Variants in ZNF180 observed in about 807,000 individuals in gnomAD.
ZNF180 encodes the protein zinc finger protein 180 (HHZ168).
A neutral mutation model predicts 11.8 loss-of-function variants in ZNF180; 11 were observed. The observed-to-expected ratio is 0.93, with a 90% CI of 0.59 to 1.55. The LOEUF (loss-of-function observed/expected upper bound fraction) is 1.55. Ranked by LOEUF, ZNF180 falls within the 40% of genes most tolerant of loss-of-function variation. ZNF180 has a pLI of 0.00. For missense variants in ZNF180, 773 were observed against 781.7 expected, an observed-to-expected ratio of 0.99 and a Z score of 0.13; for synonymous variants, 287 against 257.7, an observed-to-expected ratio of 1.11 and a Z score of -1.09.
At chr19:44,478,275 GA>G in intron 4 of ZNF180, 129 bp from the exon 5 acceptor site, 1 of 975,922 alleles carries the variant, frequency 1.0e-6, no homozygotes, top group African/African-American at 1.6e-5. Flanking sequence ...AACCTAGGTT[GA>G]AAAAGCAAAA....
chr19:44,500,489 A>G lies in ZNF180; in HGVS notation c.-258T>C, dbSNP rs1488714588. 1.8e-5 allele frequency: 10 copies of G among 548,794 alleles called. No individual in the cohort carries two copies. The highest frequency in any genetic ancestry group is 1.5e-4 in the African/African-American group (8 of 52,676). The allele number at this position is 548,794 out of a possible 1,614,324, so 34.0% of individuals were successfully genotyped here. The stretch of plus-strand genomic sequence containing the variant: ...AAGGGCCGAGCTGCTCGGCGACAGC[A>G]AGCGTCCGCGCGCGGGACAATGGCT... On this transcript the variant is annotated 5_prime_UTR_variant, in exon 1 of 5. Coordinates refer to ENST00000592529, the MANE Select transcript of ZNF180 (RefSeq NM_001278509.3).
intron 3 of ZNF180, 158 bp from the exon 4 acceptor site, chr19:44,479,567 G>T: frequency 1.1e-6 from 1 of 926,646 alleles, no homozygotes; most frequent in Non-Finnish European, 1.6e-6. Flanking sequence ...ATGTACAGGT[G>T]CCTTCTGGGT....
At chr19:44,488,885 TGA>T (rs1274105732) in intron 2 of ZNF180, among the ~76,000 whole-genome samples, 10 of 149,124 alleles carry the variant, frequency 6.7e-5, no homozygotes, top group Non-Finnish European at 1.5e-4. Flanking sequence ...TCGCCCCATC[TGA>T]GAAGTGAGGA....
At position 44,484,391 on chromosome 19, in the gene ZNF180, T is replaced by C; in HGVS notation, c.96A>G (p.Glu32=). ...ATGGGATGGTCAGAGACCCAGTGTCTTCTCCCTCGACTTTGATGATAATCT... is the reference window on the plus strand; with the variant it reads ...ATGGGATGGTCAGAGACCCAGTGTCCTCTCCCTCGACTTTGATGATAATCT... ...PQEIIIKVEG[E]DTGSLTIPSQ... Residue 32 remains glutamate (E), a synonymous_variant, in exon 3 of 5, where the codon GAA becomes GAG. Transcript: ENST00000592529. The C allele has an allele frequency of 1.9e-6, 3 of 1,614,112 alleles. No homozygotes were observed.
rs772881252 is a variant in ZNF180 at position 44,497,367 on chromosome 19, C to T, written c.-33G>A. 1 of 1,595,568 alleles carries T rather than the reference C, an allele frequency of 6.3e-7. No individual in the cohort carries two copies. Among genetic ancestry groups the T allele is most frequent in the South Asian group, 1.1e-5 (1 of 89,010 alleles). Reference sequence around the variant, plus strand: ...TCCAGGCACAGCAGGGTGCTGAGGTCCTGAGCTGCACTGAGAGAAGCCCCA... The same window carrying T: ...TCCAGGCACAGCAGGGTGCTGAGGTTCTGAGCTGCACTGAGAGAAGCCCCA... On this transcript the variant is annotated 5_prime_UTR_variant, in exon 2 of 5. Transcript: ENST00000592529.
At chr19:44,489,827 A>AG (rs1412872467) in intron 2 of ZNF180, among the ~76,000 whole-genome samples, 1 of 103,568 alleles carries the variant, frequency 9.7e-6, no homozygotes, top group Non-Finnish European at 2.2e-5. Flanking sequence ...AAAGAAAAGA[A>AG]AGAAAAGAAG....
intron 2 of ZNF180, among the ~76,000 whole-genome samples, chr19:44,494,524 T>C (rs143505829): frequency 0.018 from 1,985 of 109,796 alleles, 44 homozygotes; most frequent in African/African-American, 0.072. Flanking sequence ...ATAAAAAAAT[T>C]AGCTGGGCGT....
rs1969856873 is a variant in ZNF180 at position 44,476,034 on chromosome 19, T to G, written c.*368A>C. 5.6e-6 allele frequency: 1 copy of G among 177,268 alleles called. No homozygotes were observed. The highest frequency in any genetic ancestry group is 2.4e-5 in the African/African-American group (1 of 42,032). 11.0% of individuals were successfully genotyped at this position (177,268 alleles called of 1,614,324 possible). On this transcript the variant is annotated 3_prime_UTR_variant, in exon 5 of 5. Transcript: ENST00000592529. Reference sequence around the variant, plus strand: ...AATTTTCTCAATAAGCCCACTAGTGTTAGCATTCCATTTACTCTTTATGGA... The same window carrying G: ...AATTTTCTCAATAAGCCCACTAGTGGTAGCATTCCATTTACTCTTTATGGA...
Position 44,478,099 on chromosome 19 carries a change from T to G in ZNF180, c.301A>C (p.Ile101Leu). ...GKKDSTSKQRIFDEEPANGVK... is the reference protein window; with the variant it reads ...GKKDSTSKQRLFDEEPANGVK... ...CCATTAGCTGGTTCTTCATCAAAAA[T>G]CCTCTGCTTTGAAGTTGAATCTTTT... The change falls in exon 5 of 5, where the codon ATT becomes CTT. Residue 101 changes from isoleucine to leucine, a missense_variant. Transcript: ENST00000592529. 6.3e-7 allele frequency: 1 copy of G among 1,597,148 alleles called. No individual in the cohort carries two copies.
rs375579919 is a variant in ZNF180 at position 44,476,935 on chromosome 19, T to C, written c.1465A>G (p.Thr489Ala). ...TTACATTCAAAGGGTTTTTCTCCTG[T>C]GTGAGTTCTCTGATGAGCAACAAGT... ...YKLVAHQRTHTGEKPFECNQC... is the reference protein window; with the variant it reads ...YKLVAHQRTHAGEKPFECNQC... The change falls in exon 5 of 5, where the codon ACA (threonine) becomes GCA (alanine). Residue 489 changes from threonine to alanine, a missense_variant. By Grantham distance (58) the Thr-to-Ala change is moderately conservative (BLOSUM62 0). Transcript: ENST00000592529. 5.6e-6 allele frequency: 9 copies of C among 1,613,812 alleles called. No individual in the cohort carries two copies. In the South Asian group the frequency reaches 7.7e-5, roughly 14 times the overall value.
At position 44,476,914 on chromosome 19, in the gene ZNF180, A is replaced by G. The variant is rs1969905855; in HGVS notation, c.1486T>C (p.Cys496Arg). Residue 496 changes from cysteine to arginine, a missense_variant, in exon 5 of 5, where the codon TGT becomes CGT. Transcript: ENST00000592529. ...CTGAAGGATTTCCCACACTGATTAC[A>G]TTCAAAGGGTTTTTCTCCTGTGTGA... is the stretch of plus-strand genomic sequence containing the variant. ...RTHTGEKPFE[C>R]NQCGKSFSWS... 6.2e-7 allele frequency: 1 copy of G among 1,614,152 alleles called. No individual in the cohort carries two copies. Among genetic ancestry groups the G allele is most frequent in the Non-Finnish European group, 8.5e-7 (1 of 1,180,008 alleles).
In ZNF180 at chr19:44,497,427, C is replaced by T. The variant is rs1489062487; in HGVS notation, c.-43-50G>A. 4 of 1,517,288 alleles carry T rather than the reference C, an allele frequency of 2.6e-6. No homozygotes were observed. The East Asian group carries it at 7.8e-5, about 29-fold the overall frequency. 94.0% of individuals were successfully genotyped at this position (1,517,288 alleles called of 1,614,324 possible). A position where few individuals can be genotyped will look rare whatever the true frequency, so the allele number is the denominator to read the frequency against. ...TGAAGATGTAGGTCTGCCGGAACCG[C>T]TGGGCCCCCCACCCCCATTAGCCCC... On this transcript the variant is annotated intron_variant, in intron 1 of 4. Transcript: ENST00000592529.
intron 2 of ZNF180, among the ~76,000 whole-genome samples, chr19:44,487,319 T>C (rs1328459558): frequency 1.3e-5 from 2 of 152,240 alleles, no homozygotes; most frequent in Non-Finnish European, 2.9e-5. Context: ...GTTGTGAGGT[T>C]CACAATAAGT....
intron 3 of ZNF180, among the ~76,000 whole-genome samples, chr19:44,482,361 TC>T (rs1004843237): frequency 6.6e-6 from 1 of 152,094 alleles, no homozygotes; most frequent in African/African-American, 2.4e-5. Flanking sequence ...CACCAAACAT[TC>T]CCTATACATC....
In ZNF180 at chr19:44,495,497, G is replaced by C. The variant is rs1217918091; in HGVS notation, c.51+1787C>G. Among the ~76,000 whole-genome samples the C allele has an allele frequency of 2.0e-5, 3 of 152,176 alleles. No individual in the cohort carries two copies. Among genetic ancestry groups the C allele is most frequent in the African/African-American group, 7.2e-5 (3 of 41,500 alleles). ...GATGCCCTCAACATGCTCATGCTCT[G>C]ACATGCCACACCAGGCTGCACCTGA... On this transcript the variant is annotated intron_variant, in intron 2 of 4. Coordinates refer to ENST00000592529, the MANE Select transcript of ZNF180 (RefSeq NM_001278509.3). This position sits in a 1 kb window ranked among gnomAD's most constrained non-coding sequence, Gnocchi z 4.5.
chr19:44,491,282 G>T (rs1970443729), intron 2 of ZNF180, among the ~76,000 whole-genome samples: 6 of 152,214 alleles, frequency 3.9e-5, no homozygotes. Flanking sequence ...AAAATTCAAA[G>T]TGTCAGTATC....
chr19:44,478,088 T>G lies in ZNF180; in HGVS notation c.312A>C (p.Glu104Asp). ...DSTSKQRIFD[E>D]EPANGVKIER... ...CTATCTTCACTCCATTAGCTGGTTC[T>G]TCATCAAAAATCCTCTGCTTTGAAG... The change falls in exon 5 of 5, where the codon GAA becomes GAC. Residue 104 changes from glutamate (E) to aspartate (D), a missense_variant. Transcript: ENST00000592529. 6.2e-7 allele frequency: 1 copy of G among 1,600,474 alleles called. No homozygotes were observed. The highest frequency in any genetic ancestry group is 8.5e-7 in the Non-Finnish European group (1 of 1,172,348).
rs1216951958 is a variant in ZNF180 at position 44,479,375 on chromosome 19, A to G, written c.161T>C (p.Phe54Ser). The change falls in exon 4 of 5, where the codon TTC (phenylalanine) becomes TCC (serine). Residue 54 changes from phenylalanine (F) to serine (S), a missense_variant. Transcript: ENST00000592529. ...GCAAGTACCCTGTTCCTCCCGTGTGAAGTCCACAGTCACAATTTTGAAGTT... is the reference window on the plus strand; with the variant it reads ...GCAAGTACCCTGTTCCTCCCGTGTGGAGTCCACAGTCACAATTTTGAAGTT... ...GVNFKIVTVD[F>S]TREEQGTCNP... is the part of the protein sequence containing the mutation. 6.2e-7 allele frequency: 1 copy of G among 1,614,006 alleles called. No individual in the cohort carries two copies. The highest frequency in any genetic ancestry group is 8.5e-7 in the Non-Finnish European group (1 of 1,179,934).
At chr19:44,479,065 G>A (rs979577974) in intron 4 of ZNF180, among the ~76,000 whole-genome samples, 4 of 152,170 alleles carry the variant, frequency 2.6e-5, no homozygotes, top group African/African-American at 9.7e-5. Flanking sequence ...CTGGCCTTTG[G>A]TCTTTAGGAA....
Sources: gnomAD v4.1 joint callset for allele counts (sites outside exome capture counted in the v4.1 genomes callset) on GRCh38, gnomAD v4.1.1 for gene constraint, Gnocchi (gnomAD v3.1) non-coding constraint, MANE v1.5 for transcripts, NCBI Gene and HGNC (gene_info 2026-07-23, HGNC 2026-07-21) for gene names.